Variants in MNAT1 observed in about 807,000 individuals in gnomAD.
MNAT1 encodes the protein CDK-activating kinase assembly factor MAT1.
In MNAT1, 43 loss-of-function variants were observed where a neutral mutation model predicts 42.0. The ratio of observed to expected loss-of-function variants is 1.02; its 90% CI spans 0.80 to 1.32. MNAT1 has a LOEUF of 1.32. Ranked by LOEUF, MNAT1 falls within the 40% of genes most tolerant of loss-of-function variation. MNAT1 has a pLI of 0.00. For synonymous variants in MNAT1, 118 were observed against 120.0 expected, an observed-to-expected ratio of 0.98 and a Z score of 0.11; for missense variants, 306 against 350.4, an observed-to-expected ratio of 0.87 and a Z score of 1.01.
At chr14:60,925,516 G>T (rs1166614588) in intron 7 of MNAT1, among the ~76,000 whole-genome samples, 1 of 152,158 alleles carries the variant, frequency 6.6e-6, no homozygotes, top group Non-Finnish European at 1.5e-5. Flanking sequence ...GTTTTGCCAT[G>T]CATCCTGTCT....
intron 1 of MNAT1, among the ~76,000 whole-genome samples, chr14:60,746,391 T>A (rs1441607472): frequency 6.6e-6 from 1 of 151,784 alleles, no homozygotes; most frequent in Admixed American, 6.6e-5. Context: ...GGGTCATGCC[T>A]GTAATTCCAG....
At chr14:60,947,602 G>A (rs139816341) in intron 7 of MNAT1, among the ~76,000 whole-genome samples, 11,419 of 152,254 alleles carry the variant, frequency 0.075, 801 homozygotes, top group East Asian at 0.4. Flanking sequence ...AGAATCGCTT[G>A]AACCCGGGAG....
At position 60,778,614 on chromosome 14, in the gene MNAT1, G is replaced by A. The variant is rs557166602; in HGVS notation, c.90-17603G>A. On this transcript the variant is annotated intron_variant, in intron 1 of 7. Coordinates refer to ENST00000261245, the MANE Select transcript of MNAT1 (RefSeq NM_002431.4). ...CTAATACGGGATCTTGAGTAATATT[G>A]TCTCTTACCAAGAGTCGCACTTTAC... Among the ~76,000 whole-genome samples, 10 of 152,274 alleles carry A rather than the reference G, an allele frequency of 6.6e-5. No homozygotes were observed. In the South Asian group the frequency reaches 2.1e-3, roughly 32 times the overall value.
chr14:60,833,589 A>T (rs1250325586), intron 6 of MNAT1, among the ~76,000 whole-genome samples: 1 of 152,128 alleles, frequency 6.6e-6, no homozygotes, highest in Non-Finnish European at 1.5e-5. Flanking sequence ...CCAGTATTTT[A>T]TTGAGAATTT....
chr14:60,831,374 G>C (rs964274039), intron 6 of MNAT1, among the ~76,000 whole-genome samples: 49 of 152,080 alleles, frequency 3.2e-4, no homozygotes, highest in Non-Finnish European at 7.1e-4. Context: ...TCCCCTCCCT[G>C]TGTCCATGTG....
At chr14:60,823,285 G>A (rs2032952624) in intron 6 of MNAT1, among the ~76,000 whole-genome samples, 1 of 152,130 alleles carries the variant, frequency 6.6e-6, no homozygotes, top group Admixed American at 6.5e-5. Flanking sequence ...CTTGTTAGCA[G>A]CAGTGCTCTC....
At chr14:60,955,783 C>G (rs1594908979) in intron 7 of MNAT1, among the ~76,000 whole-genome samples, 1 of 152,064 alleles carries the variant, frequency 6.6e-6, no homozygotes, top group Admixed American at 6.6e-5. Flanking sequence ...TCCATTTTTT[C>G]TGAGTTCTCC....
intron 7 of MNAT1, among the ~76,000 whole-genome samples, chr14:60,882,642 T>C (rs2034577600): frequency 6.6e-6 from 1 of 152,172 alleles, no homozygotes. Flanking sequence ...ATTTTTGTTT[T>C]TTGACAAACC....
At chr14:60,964,560 C>A (rs1980896) in intron 7 of MNAT1, among the ~76,000 whole-genome samples, 139,986 of 152,212 alleles carry the variant, frequency 0.92, 64,866 homozygotes, top group Non-Finnish European at 0.99. Context: ...TCTGCTTATA[C>A]GATTTACACA....
At chr14:60,904,487 T>G (rs2035150050) in intron 7 of MNAT1, among the ~76,000 whole-genome samples, 1 of 152,168 alleles carries the variant, frequency 6.6e-6, no homozygotes, top group African/African-American at 2.4e-5. Flanking sequence ...TTTTAAATCT[T>G]TTTTATGCAG....
chr14:60,941,117 T>C (rs1193195896), intron 7 of MNAT1, among the ~76,000 whole-genome samples: 1 of 152,176 alleles, frequency 6.6e-6, no homozygotes, highest in Non-Finnish European at 1.5e-5. Context: ...GTTTTTATGG[T>C]TTTTAGTGAT....
At chr14:60,954,797 A>G (rs1350636455) in intron 7 of MNAT1, among the ~76,000 whole-genome samples, 4 of 152,130 alleles carry the variant, frequency 2.6e-5, no homozygotes, top group Admixed American at 2.6e-4. Context: ...CTTATTCCTA[A>G]TTTTAAAGGA....
At chr14:60,961,619 A>G (rs2036594115) in intron 7 of MNAT1, among the ~76,000 whole-genome samples, 1 of 152,174 alleles carries the variant, frequency 6.6e-6, no homozygotes, top group Admixed American at 6.5e-5. Flanking sequence ...TCTCATTTGT[A>G]ATATTCATTA....
At chr14:60,924,855 G>A (rs535206107) in intron 7 of MNAT1, among the ~76,000 whole-genome samples, 10 of 152,248 alleles carry the variant, frequency 6.6e-5, no homozygotes, top group African/African-American at 2.2e-4. Flanking sequence ...TTTCTAGAAC[G>A]CATATTTATA....
chr14:60,806,179 T>A (rs1361652279), intron 3 of MNAT1, among the ~76,000 whole-genome samples: 1 of 152,164 alleles, frequency 6.6e-6, no homozygotes, highest in Non-Finnish European at 1.5e-5. Flanking sequence ...TTGAAAATAA[T>A]TATACAGGGT....
At chr14:60,849,641 T>A (rs899710691) in intron 6 of MNAT1, among the ~76,000 whole-genome samples, 1 of 152,072 alleles carries the variant, frequency 6.6e-6, no homozygotes, top group Non-Finnish European at 1.5e-5. Context: ...ATTCCCTTCT[T>A]TTTTTTACAG....
intron 6 of MNAT1, among the ~76,000 whole-genome samples, chr14:60,831,482 C>G (rs2033213469): frequency 6.6e-6 from 1 of 152,178 alleles, no homozygotes; most frequent in African/African-American, 2.4e-5. Flanking sequence ...CCAGCTTCAT[C>G]CACGTCCTTG....
intron 7 of MNAT1, among the ~76,000 whole-genome samples, chr14:60,963,425 A>G (rs1239475114): frequency 6.6e-5 from 10 of 152,220 alleles, no homozygotes; most frequent in Admixed American, 6.5e-4. Context: ...TTAGTTTAAG[A>G]CACCTAACCA....
intron 7 of MNAT1, chr14:60,919,181 G>A (rs906400255): frequency 1.3e-5 from 2 of 152,184 alleles, no homozygotes; most frequent in Non-Finnish European, 2.9e-5. Flanking sequence ...AGAGGACCAG[G>A]AACCCTGGAG....
Sources: gnomAD v4.1 joint callset for allele counts (sites outside exome capture counted in the v4.1 genomes callset) on GRCh38, gnomAD v4.1.1 for gene constraint, MANE v1.5 for transcripts, NCBI Gene and HGNC (gene_info 2026-07-23, HGNC 2026-07-21) for gene names.